ANKS1B: variants seen among roughly 807,000 people sequenced by gnomAD.
The protein encoded by ANKS1B is ankyrin repeat and sterile alpha motif domain-containing protein 1B.
Under a neutral mutation model 148.3 loss-of-function variants are expected in ANKS1B, and 36 were observed. The ratio of observed to expected loss-of-function variants is 0.24; its 90% CI spans 0.19 to 0.32. ANKS1B has a LOEUF of 0.32. Ranked by LOEUF, ANKS1B falls within the 10% of genes least tolerant of loss-of-function variation. The probability of loss-of-function intolerance (pLI) is 1.00; values close to 1 mark genes in which losing one functional copy is unlikely to be tolerated. For missense variants in ANKS1B, 1,157 were observed against 1,542.6 expected, an observed-to-expected ratio of 0.75 and a Z score of 4.19; for synonymous variants, 542 against 560.8, an observed-to-expected ratio of 0.97 and a Z score of 0.47.
intron 4 of ANKS1B, among the ~76,000 whole-genome samples, chr12:99,801,780 C>T (rs542963466): frequency 2.2e-4 from 33 of 152,042 alleles, no homozygotes; most frequent in Non-Finnish European, 4.0e-4. Flanking sequence ...AGAGTTCCCA[C>T]GTGGACAAGA....
intron 12 of ANKS1B, among the ~76,000 whole-genome samples, chr12:99,367,630 A>G (rs1313914969): frequency 6.6e-6 from 1 of 152,230 alleles, no homozygotes; most frequent in African/African-American, 2.4e-5. Flanking sequence ...TTCCATCAAT[A>G]GCAATAATGG....
intron 15 of ANKS1B, among the ~76,000 whole-genome samples, chr12:99,087,467 C>G (rs2052319912): frequency 6.6e-6 from 1 of 152,088 alleles, no homozygotes; most frequent in Non-Finnish European, 1.5e-5. Flanking sequence ...ACAAATAAAG[C>G]CAGTCTTGGC....
At chr12:99,581,807 C>T (rs1384791384) in intron 9 of ANKS1B, among the ~76,000 whole-genome samples, 1 of 150,980 alleles carries the variant, frequency 6.6e-6, no homozygotes, top group South Asian at 2.1e-4. Context: ...AGGAGAATGG[C>T]GTCAACCCGG....
chr12:98,857,335 C>A (rs909322137), intron 17 of ANKS1B, among the ~76,000 whole-genome samples: 6 of 152,152 alleles, frequency 3.9e-5, no homozygotes, highest in Admixed American at 6.5e-5. Context: ...TGGAGAATTG[C>A]AGCTATTTGG....
At chr12:99,013,983 C>T (rs759240345) in intron 17 of ANKS1B, among the ~76,000 whole-genome samples, 7 of 152,094 alleles carry the variant, frequency 4.6e-5, no homozygotes, top group Non-Finnish European at 1.0e-4. Context: ...TATCAAACTA[C>T]CATTGACACT....
chr12:99,199,607 G>A (rs2081814075), intron 14 of ANKS1B, among the ~76,000 whole-genome samples: 1 of 152,110 alleles, frequency 6.6e-6, no homozygotes, highest in Non-Finnish European at 1.5e-5. Context: ...ATTGGATGAT[G>A]AGATTTCCAA....
At chr12:99,513,738 A>G (rs2096789252) in intron 9 of ANKS1B, among the ~76,000 whole-genome samples, 1 of 151,992 alleles carries the variant, frequency 6.6e-6, no homozygotes, top group Admixed American at 6.6e-5. Flanking sequence ...TCTCCACCCC[A>G]GCTACCGCAT....
intron 17 of ANKS1B, among the ~76,000 whole-genome samples, chr12:98,998,864 C>T (rs2099931226): frequency 6.6e-6 from 1 of 152,146 alleles, no homozygotes. Flanking sequence ...CTGCTCATTT[C>T]TGGTTAGAAG....
At chr12:98,965,680 G>A (rs2099877199) in intron 17 of ANKS1B, among the ~76,000 whole-genome samples, 1 of 152,134 alleles carries the variant, frequency 6.6e-6, no homozygotes, top group African/African-American at 2.4e-5. Context: ...AAACAGCATG[G>A]TGCTGGTACC....
chr12:99,344,190 C>A (rs2090337099), intron 12 of ANKS1B, among the ~76,000 whole-genome samples: 1 of 152,040 alleles, frequency 6.6e-6, no homozygotes, highest in Admixed American at 6.6e-5. Context: ...GCTACACAAA[C>A]CACTGTGTGT....
intron 17 of ANKS1B, among the ~76,000 whole-genome samples, chr12:98,894,462 C>A (rs535190684): frequency 3.5e-4 from 53 of 152,154 alleles, no homozygotes; most frequent in Non-Finnish European, 2.5e-4. Flanking sequence ...TCCGTAGAGA[C>A]CGCTAGCTGA....
chr12:99,677,361 T>C (rs1375633954), intron 8 of ANKS1B, among the ~76,000 whole-genome samples: 1 of 152,100 alleles, frequency 6.6e-6, no homozygotes, highest in African/African-American at 2.4e-5. Flanking sequence ...TTTTTTTTCC[T>C]TAAGGCTGCT....
intron 12 of ANKS1B, among the ~76,000 whole-genome samples, chr12:99,290,315 T>C (rs1425485075): frequency 6.8e-6 from 1 of 147,364 alleles, no homozygotes; most frequent in Non-Finnish European, 1.5e-5. Flanking sequence ...GTGGACCTGA[T>C]GGCTTCACTG....
intron 14 of ANKS1B, among the ~76,000 whole-genome samples, chr12:99,182,772 C>T (rs1601476587): frequency 6.6e-6 from 1 of 152,142 alleles, no homozygotes; most frequent in East Asian, 1.9e-4. Flanking sequence ...ATTTACGTTC[C>T]TACTAACAGT....
intron 12 of ANKS1B, among the ~76,000 whole-genome samples, chr12:99,337,897 C>T (rs1453999549): frequency 1.3e-5 from 2 of 152,192 alleles, no homozygotes; most frequent in African/African-American, 4.8e-5. Flanking sequence ...TGCTGAGCTG[C>T]CTGGAGATAG....
At chr12:99,656,914 G>C (rs1031612444) in intron 8 of ANKS1B, among the ~76,000 whole-genome samples, 4 of 151,978 alleles carry the variant, frequency 2.6e-5, no homozygotes, top group Non-Finnish European at 5.9e-5. Context: ...CCCCAAAATT[G>C]TTCCTTTTAA....
At chr12:99,760,360 A>T (rs1028250019) in intron 8 of ANKS1B, among the ~76,000 whole-genome samples, 1 of 151,962 alleles carries the variant, frequency 6.6e-6, no homozygotes, top group Admixed American at 6.6e-5. Context: ...AGTGGAATAA[A>T]AATAGAAATC....
At chr12:99,905,240 G>A (rs1294743921) in intron 1 of ANKS1B, among the ~76,000 whole-genome samples, 1 of 152,188 alleles carries the variant, frequency 6.6e-6, no homozygotes, top group Non-Finnish European at 1.5e-5. Context: ...TAAGTGCCAT[G>A]TTGTACCCAA....
intron 8 of ANKS1B, among the ~76,000 whole-genome samples, chr12:99,742,727 A>C (rs912443303): frequency 1.3e-5 from 2 of 151,590 alleles, no homozygotes; most frequent in Non-Finnish European, 2.9e-5. Flanking sequence ...AATCCCAGCT[A>C]CTCAGGAGGC....
Sources: allele counts gnomAD v4.1 joint callset (sites outside exome capture counted in the v4.1 genomes callset), GRCh38; gene constraint gnomAD v4.1.1; transcripts MANE v1.5; gene names NCBI Gene and HGNC (gene_info 2026-07-23, HGNC 2026-07-21).